GSK3B: variants seen among roughly 807,000 people sequenced by gnomAD.
GSK3B encodes the protein glycogen synthase kinase-3 beta.
Under a neutral mutation model 56.4 loss-of-function variants are expected in GSK3B, and 15 were observed. That is an observed-to-expected ratio of 0.27 (90% CI 0.18 to 0.41). GSK3B has a LOEUF of 0.41. GSK3B is among the 10% of genes least tolerant of loss of function. GSK3B has a pLI of 1.00. For synonymous variants in GSK3B, 181 were observed against 188.9 expected, an observed-to-expected ratio of 0.96 and a Z score of 0.34; for missense variants, 300 against 513.4, an observed-to-expected ratio of 0.58 and a Z score of 4.02.
intron 1 of GSK3B, among the ~76,000 whole-genome samples, chr3:120,020,658 C>T (rs2057868694): frequency 6.6e-6 from 1 of 152,056 alleles, no homozygotes; most frequent in South Asian, 2.1e-4. Context: ...TGAAATTAGG[C>T]CAATTAATAA....
At chr3:119,891,038 C>T (rs904677048) in intron 7 of GSK3B, among the ~76,000 whole-genome samples, 18 of 151,732 alleles carry the variant, frequency 1.2e-4, no homozygotes, top group African/African-American at 2.9e-4. Flanking sequence ...GAGACTTGTA[C>T]GTAAATCAAC....
At chr3:120,013,852 TA>T (rs202235479) in intron 1 of GSK3B, among the ~76,000 whole-genome samples, 41,388 of 140,198 alleles carry the variant, frequency 0.3, 7,182 homozygotes, top group African/African-American at 0.52. Context: ...AAACCACGTT[TA>T]AAAAAAAAAA....
At chr3:120,010,104 C>T (rs1238730867) in intron 1 of GSK3B, among the ~76,000 whole-genome samples, 1 of 152,152 alleles carries the variant, frequency 6.6e-6, no homozygotes, top group African/African-American at 2.4e-5. Flanking sequence ...TTTAAATGCA[C>T]ACAAACCCCA....
At chr3:119,905,533 C>G (rs1000348457) in intron 7 of GSK3B, among the ~76,000 whole-genome samples, 1 of 152,002 alleles carries the variant, frequency 6.6e-6, no homozygotes, top group Non-Finnish European at 1.5e-5. Context: ...ATCAGATATA[C>G]ATAATAGCTT....
At chr3:119,964,013 T>C (rs543044969) in intron 2 of GSK3B, among the ~76,000 whole-genome samples, 2 of 152,178 alleles carry the variant, frequency 1.3e-5, no homozygotes, top group Non-Finnish European at 2.9e-5. Context: ...AGTGGGACTA[T>C]ATCAAACTAA....
chr3:119,835,057 G>C (rs2055668431), intron 10 of GSK3B, among the ~76,000 whole-genome samples: 1 of 152,182 alleles, frequency 6.6e-6, no homozygotes, highest in African/African-American at 2.4e-5. Flanking sequence ...TATTTCAAAT[G>C]CAGAGCCAAC....
intron 1 of GSK3B, among the ~76,000 whole-genome samples, chr3:120,055,071 T>G (rs1457519876): frequency 6.6e-6 from 1 of 152,200 alleles, no homozygotes; most frequent in African/African-American, 2.4e-5. Context: ...CCTCCCTCAC[T>G]TCTTAACGAT....
At chr3:120,032,926 G>T (rs969514101) in intron 1 of GSK3B, among the ~76,000 whole-genome samples, 2 of 152,292 alleles carry the variant, frequency 1.3e-5, no homozygotes, top group Middle Eastern at 3.4e-3. Flanking sequence ...ACGATTTTTA[G>T]TACTTTCACA....
chr3:119,934,229 A>C (rs1047281359), intron 3 of GSK3B, among the ~76,000 whole-genome samples: 1 of 152,132 alleles, frequency 6.6e-6, no homozygotes, highest in African/African-American at 2.4e-5. Context: ...AAGAAAACTA[A>C]ACACTACATC....
At chr3:120,038,128 A>G (rs928162959) in intron 1 of GSK3B, among the ~76,000 whole-genome samples, 5 of 152,158 alleles carry the variant, frequency 3.3e-5, no homozygotes, top group Non-Finnish European at 7.4e-5. Context: ...GCAAATTCGG[A>G]ATTTATCCCA....
chr3:119,968,002 C>T (rs960442783), intron 2 of GSK3B, among the ~76,000 whole-genome samples: 3 of 152,026 alleles, frequency 2.0e-5, no homozygotes, highest in South Asian at 4.1e-4. Context: ...ATTACAGGCA[C>T]GTGCCACCAC....
At chr3:119,961,963 GCTAT>G (rs1188340377) in intron 2 of GSK3B, among the ~76,000 whole-genome samples, 1 of 152,210 alleles carries the variant, frequency 6.6e-6, no homozygotes, top group Non-Finnish European at 1.5e-5. Flanking sequence ...GCTAGGCTAA[GCTAT>G]AATGTACTAC....
chr3:120,079,340 ACACACACAC>A (rs1410701054), intron 1 of GSK3B, among the ~76,000 whole-genome samples: 7 of 136,806 alleles, frequency 5.1e-5, no homozygotes, highest in Non-Finnish European at 1.1e-4. Context: ...ACACACACAC[ACACACACAC>A]ATTTTTTTTT....
At chr3:119,928,448 A>T (rs1002101174) in intron 3 of GSK3B, among the ~76,000 whole-genome samples, 1 of 151,808 alleles carries the variant, frequency 6.6e-6, no homozygotes, top group African/African-American at 2.4e-5. Context: ...TACTAAAAAT[A>T]CAAAAAATTA....
At position 120,065,796 on chromosome 3, in the gene GSK3B, T is replaced by A. The variant is rs376418918; in HGVS notation, c.88+27551A>T. 1.2e-4 allele frequency among the ~76,000 whole-genome samples: 19 copies of A among 152,158 alleles called. No individual in the cohort carries two copies. In the East Asian group the frequency reaches 1.7e-3, roughly 14 times the overall value. On this transcript the variant is annotated intron_variant, in intron 1 of 10. Coordinates refer to ENST00000264235, the MANE Select transcript of GSK3B (RefSeq NM_001146156.2). Reference sequence around the variant, plus strand: ...TAAACAGGAACGAAGTACTGATACATGCTAAAACAGGGATAAACCTTGAAA... The same window carrying A: ...TAAACAGGAACGAAGTACTGATACAAGCTAAAACAGGGATAAACCTTGAAA...
At chr3:119,894,461 T>C (rs996722503) in intron 7 of GSK3B, among the ~76,000 whole-genome samples, 15 of 152,142 alleles carry the variant, frequency 9.9e-5, no homozygotes, top group Non-Finnish European at 2.2e-4. Context: ...GAGAGTGTGA[T>C]AATAGTATTC....
intron 2 of GSK3B, among the ~76,000 whole-genome samples, chr3:119,957,847 T>C (rs1048738393): frequency 6.6e-6 from 1 of 152,230 alleles, no homozygotes; most frequent in Non-Finnish European, 1.5e-5. Context: ...ATTCCATTTA[T>C]TACTATGTGC....
At chr3:119,987,923 T>C (rs565380869) in intron 2 of GSK3B, among the ~76,000 whole-genome samples, 1 of 152,336 alleles carries the variant, frequency 6.6e-6, no homozygotes, top group South Asian at 2.1e-4. Flanking sequence ...TAGTGTACAT[T>C]TTCAGTAATA....
At chr3:119,875,451 G>C (rs963444110) in intron 8 of GSK3B, among the ~76,000 whole-genome samples, 9 of 151,526 alleles carry the variant, frequency 5.9e-5, no homozygotes, top group Non-Finnish European at 1.0e-4. Flanking sequence ...AATACAGTAA[G>C]TCTCTCCTTA....
Sources: allele counts gnomAD v4.1 joint callset (sites outside exome capture counted in the v4.1 genomes callset), GRCh38; gene constraint gnomAD v4.1.1; transcripts MANE v1.5; gene names NCBI Gene and HGNC (gene_info 2026-07-23, HGNC 2026-07-21).